The following MAGI2 variants were observed in gnomAD, a reference collection of about 807,000 sequenced individuals.
MAGI2 encodes membrane associated guanylate kinase, WW and PDZ domain containing 2.
Under a neutral mutation model 133.3 loss-of-function variants are expected in MAGI2, and 35 were observed. The ratio of observed to expected loss-of-function variants is 0.26; its 90% CI spans 0.20 to 0.35. The LOEUF is 0.35. Ranked by LOEUF, MAGI2 falls within the 10% of genes least tolerant of loss-of-function variation. The pLI is 1.00. For missense variants in MAGI2, 1,636 were observed against 1,863.4 expected, an observed-to-expected ratio of 0.88 and a Z score of 2.25; for synonymous variants, 729 against 710.6, an observed-to-expected ratio of 1.03 and a Z score of -0.41.
chr7:79,136,113 G>T (rs560067159), intron 1 of MAGI2, among the ~76,000 whole-genome samples: 34 of 150,068 alleles, frequency 2.3e-4, no homozygotes, highest in Non-Finnish European at 4.3e-4. Flanking sequence ...AAGAAAGAAA[G>T]AAAGAAAGAA....
intron 21 of MAGI2, among the ~76,000 whole-genome samples, chr7:78,056,244 C>T (rs777170499): frequency 6.6e-6 from 1 of 152,144 alleles, no homozygotes; most frequent in Non-Finnish European, 1.5e-5. Context: ...TAGCAGATGA[C>T]AGGATTTCCT....
chr7:78,655,444 A>C (rs1226260424), intron 2 of MAGI2, among the ~76,000 whole-genome samples: 24 of 137,216 alleles, frequency 1.7e-4, no homozygotes, highest in Non-Finnish European at 3.1e-4. Context: ...AACAAACAAA[A>C]AAAAACAACC....
At chr7:78,361,550 AAAT>A (rs1224996282) in intron 7 of MAGI2, among the ~76,000 whole-genome samples, 3 of 152,180 alleles carry the variant, frequency 2.0e-5, no homozygotes, top group African/African-American at 7.2e-5. Context: ...AGGACAAAGA[AAAT>A]AATGTTTGAG....
At chr7:79,011,574 C>T (rs915348205) in intron 1 of MAGI2, among the ~76,000 whole-genome samples, 1 of 152,030 alleles carries the variant, frequency 6.6e-6, no homozygotes, top group African/African-American at 2.4e-5. Context: ...ACCTTATAAA[C>T]TTTTATCAGT....
chr7:79,094,530 T>A (rs1160379753), intron 1 of MAGI2, among the ~76,000 whole-genome samples: 1 of 152,190 alleles, frequency 6.6e-6, no homozygotes, highest in Non-Finnish European at 1.5e-5. Context: ...TGGTGAAACC[T>A]CTCCAGAAGG....
At chr7:79,351,144 G>A (rs1000689915) in intron 1 of MAGI2, among the ~76,000 whole-genome samples, 12 of 152,022 alleles carry the variant, frequency 7.9e-5, no homozygotes, top group Admixed American at 2.0e-4. Flanking sequence ...AAAGTAGACC[G>A]AACTGTTAGA....
In MAGI2 at chr7:79,230,057, C is replaced by T. The variant is rs566938493; in HGVS notation, c.302-222851G>A. Reference sequence around the variant, plus strand: ...AATATGCGGTGTTTGGTTTTTTGTTCTTGCGATAGTTTACTGAGAATGATG... The same window carrying T: ...AATATGCGGTGTTTGGTTTTTTGTTTTTGCGATAGTTTACTGAGAATGATG... On this transcript the variant is annotated intron_variant, in intron 1 of 21. Transcript: ENST00000354212. 4.2e-4 allele frequency among the ~76,000 whole-genome samples: 63 copies of T among 149,516 alleles called. 1 individual carries two copies. The highest frequency in any genetic ancestry group is 1.4e-3 in the African/African-American group (58 of 40,748).
chr7:78,610,021 A>G (rs948688889), intron 3 of MAGI2, among the ~76,000 whole-genome samples: 2 of 152,134 alleles, frequency 1.3e-5, no homozygotes, highest in African/African-American at 4.8e-5. Flanking sequence ...GGGAACTGGA[A>G]GCAAAATTTT....
In MAGI2 at chr7:78,104,292, G is replaced by A. The variant is rs530104235; in HGVS notation, c.3567+21402C>T. ...GGCTGGACTGCAGTGGCTCGATGTC[G>A]GCTCACTGCAAGCTCCGCCTCCTGG... is the stretch of plus-strand genomic sequence containing the variant. On this transcript the variant is annotated intron_variant, in intron 20 of 21. Coordinates refer to ENST00000354212, the MANE Select transcript of MAGI2 (RefSeq NM_012301.4). Among the ~76,000 whole-genome samples, 175 of 152,062 alleles carry A rather than the reference G, an allele frequency of 1.2e-3. 1 individual carries two copies. Among genetic ancestry groups the A allele is most frequent in the African/African-American group, 4.0e-3 (166 of 41,460 alleles).
At chr7:78,175,810 A>T (rs555104786) in intron 14 of MAGI2, among the ~76,000 whole-genome samples, 1 of 152,248 alleles carries the variant, frequency 6.6e-6, no homozygotes, top group African/African-American at 2.4e-5. Flanking sequence ...TGGAGTACTC[A>T]TGTTGGAAAA....
intron 1 of MAGI2, among the ~76,000 whole-genome samples, chr7:79,331,962 A>G (rs925245620): frequency 6.6e-6 from 1 of 152,118 alleles, no homozygotes; most frequent in African/African-American, 2.4e-5. Flanking sequence ...AAAAAAGGAA[A>G]AAAAAATTCC....
chr7:78,752,022 C>A (rs1468025430), intron 2 of MAGI2, among the ~76,000 whole-genome samples: 1 of 152,202 alleles, frequency 6.6e-6, no homozygotes, highest in Non-Finnish European at 1.5e-5. Context: ...ACATATACCA[C>A]AGGGAAACAA....
At chr7:78,996,635 C>G (rs529416863) in intron 2 of MAGI2, among the ~76,000 whole-genome samples, 1 of 152,012 alleles carries the variant, frequency 6.6e-6, no homozygotes, top group Admixed American at 6.6e-5. Context: ...TGTAACAAAA[C>G]GGCACTTGTA....
At chr7:79,053,709 C>A (rs1812888472) in intron 1 of MAGI2, among the ~76,000 whole-genome samples, 1 of 151,908 alleles carries the variant, frequency 6.6e-6, no homozygotes. Flanking sequence ...CACAGACTTC[C>A]ATAATAATTG....
intron 6 of MAGI2, among the ~76,000 whole-genome samples, chr7:78,460,848 A>G (rs2151509143): frequency 6.6e-6 from 1 of 152,260 alleles, no homozygotes; most frequent in African/African-American, 2.4e-5. Flanking sequence ...TAAGTCCTCA[A>G]TAAACCTTAT....
At chr7:79,390,271 C>T (rs1414498517) in intron 1 of MAGI2, among the ~76,000 whole-genome samples, 2 of 152,086 alleles carry the variant, frequency 1.3e-5, no homozygotes, top group Non-Finnish European at 2.9e-5. Context: ...AGGAGCTGAG[C>T]AGAACAAAAT....
intron 1 of MAGI2, among the ~76,000 whole-genome samples, chr7:79,311,770 T>G (rs1585527354): frequency 6.6e-6 from 1 of 152,180 alleles, no homozygotes; most frequent in South Asian, 2.1e-4. Flanking sequence ...TGTAACCACT[T>G]GCTCTCTTCT....
intron 1 of MAGI2, among the ~76,000 whole-genome samples, chr7:79,074,635 A>G (rs1168812413): frequency 1.3e-5 from 2 of 152,202 alleles, no homozygotes; most frequent in Non-Finnish European, 2.9e-5. Flanking sequence ...AGCTAGAAAT[A>G]TTTGTCAACT....
At chr7:79,364,181 T>C (rs1842544582) in intron 1 of MAGI2, among the ~76,000 whole-genome samples, 1 of 151,936 alleles carries the variant, frequency 6.6e-6, no homozygotes, top group Non-Finnish European at 1.5e-5. Flanking sequence ...AGTACAGAGG[T>C]TGCTTTTCTC....
Sources: gnomAD v4.1 joint callset for allele counts (sites outside exome capture counted in the v4.1 genomes callset) on GRCh38, gnomAD v4.1.1 for gene constraint, MANE v1.5 for transcripts, NCBI Gene and HGNC (gene_info 2026-07-23, HGNC 2026-07-21) for gene names.